Variants in EVI5 observed in about 807,000 individuals in gnomAD.
EVI5 encodes the protein ecotropic viral integration site 5 protein homolog.
Under a neutral mutation model 112.0 loss-of-function variants are expected in EVI5, and 73 were observed. That is an observed-to-expected ratio of 0.65 (90% CI 0.54 to 0.79). The LOEUF (loss-of-function observed/expected upper bound fraction) is 0.79. Ranked by LOEUF, EVI5 falls within the 30% of genes least tolerant of loss-of-function variation. The pLI, the probability that EVI5 is intolerant of heterozygous loss-of-function variation, is 0.00. For missense variants in EVI5, 900 were observed against 968.8 expected, an observed-to-expected ratio of 0.93 and a Z score of 0.94; for synonymous variants, 305 against 319.9, an observed-to-expected ratio of 0.95 and a Z score of 0.50.
chr1:92,788,818 A>C (rs527968526), upstream of EVI5, among the ~76,000 whole-genome samples: 1 of 152,260 alleles, frequency 6.6e-6, no homozygotes, highest in African/African-American at 2.4e-5. Flanking sequence ...CAACAAAAAA[A>C]ACCCCATAAA....
intron 1 of EVI5, among the ~76,000 whole-genome samples, chr1:92,745,833 A>G (rs962211117): frequency 6.6e-6 from 1 of 152,190 alleles, no homozygotes; most frequent in African/African-American, 2.4e-5. Flanking sequence ...ATTATTTCAT[A>G]TATATTCCTG....
At chr1:92,674,161 T>C (rs947447007) in intron 10 of EVI5, among the ~76,000 whole-genome samples, 1 of 152,092 alleles carries the variant, frequency 6.6e-6, no homozygotes, top group African/African-American at 2.4e-5. Flanking sequence ...CATTTCCCAT[T>C]TTACAGCAAG....
At chr1:92,763,848 T>C (rs1186641743) in intron 1 of EVI5, among the ~76,000 whole-genome samples, 1 of 151,914 alleles carries the variant, frequency 6.6e-6, no homozygotes, top group East Asian at 1.9e-4. Flanking sequence ...TCATAAACTA[T>C]AAGCAACAGT....
At chr1:92,776,625 A>G (rs536773353) in intron 1 of EVI5, among the ~76,000 whole-genome samples, 151 of 149,684 alleles carry the variant, frequency 1.0e-3, no homozygotes, top group African/African-American at 3.5e-3. Flanking sequence ...AAATGATAAC[A>G]CCATCATGAC....
At chr1:92,678,385 G>T (rs538707762) in intron 9 of EVI5, among the ~76,000 whole-genome samples, 1 of 152,088 alleles carries the variant, frequency 6.6e-6, no homozygotes, top group South Asian at 2.1e-4. Context: ...ACAAAAATTA[G>T]CCAGGTGCGG....
chr1:92,635,735 GC>G (rs1463210926), intron 14 of EVI5, among the ~76,000 whole-genome samples: 2 of 152,132 alleles, frequency 1.3e-5, no homozygotes, highest in African/African-American at 4.8e-5. Flanking sequence ...TTCGTCTTCT[GC>G]GTCGCTCACA....
intron 18 of EVI5, among the ~76,000 whole-genome samples, chr1:92,581,653 T>C (rs2101091699): frequency 6.6e-6 from 1 of 151,686 alleles, no homozygotes; most frequent in Non-Finnish European, 1.5e-5. Flanking sequence ...CATTAGGTTA[T>C]GTTCCTTTTC....
intron 18 of EVI5, among the ~76,000 whole-genome samples, chr1:92,590,418 A>C (rs1488789166): frequency 6.6e-6 from 1 of 152,238 alleles, no homozygotes; most frequent in East Asian, 1.9e-4. Flanking sequence ...AGAAGTGCTT[A>C]AAGGAGCTGA....
intron 18 of EVI5, chr1:92,580,864 G>A (rs1671826979): frequency 6.6e-6 from 1 of 152,266 alleles, no homozygotes; most frequent in African/African-American, 2.4e-5. Context: ...TTGTTCAAAG[G>A]GCTATCTTAT....
At chr1:92,777,553 T>C (rs1684313392) in intron 1 of EVI5, among the ~76,000 whole-genome samples, 1 of 152,214 alleles carries the variant, frequency 6.6e-6, no homozygotes, top group South Asian at 2.1e-4. Context: ...AATGATATCT[T>C]GACCAATATT....
chr1:92,579,562 G>T (rs2101069531), intron 18 of EVI5, among the ~76,000 whole-genome samples: 1 of 152,086 alleles, frequency 6.6e-6, no homozygotes, highest in South Asian at 2.1e-4. Flanking sequence ...GTGATGGTTT[G>T]GTTTTACTGT....
At chr1:92,612,013 AAAT>A (rs1651946950) in intron 16 of EVI5, among the ~76,000 whole-genome samples, 1 of 152,170 alleles carries the variant, frequency 6.6e-6, no homozygotes, top group South Asian at 2.1e-4. Context: ...TGACTCCATA[AAAT>A]AATAATATCT....
intron 16 of EVI5, among the ~76,000 whole-genome samples, chr1:92,612,680 A>G (rs1236450135): frequency 7.6e-6 from 1 of 130,746 alleles, no homozygotes; most frequent in African/African-American, 2.9e-5. Context: ...ACTGCACTCC[A>G]GCCTGGGTGA....
intron 18 of EVI5, among the ~76,000 whole-genome samples, chr1:92,568,964 T>G (rs1669910498): frequency 6.6e-6 from 1 of 152,210 alleles, no homozygotes; most frequent in African/African-American, 2.4e-5. Context: ...AGTCAAAAGT[T>G]ATACATAGAT....
intron 2 of EVI5, among the ~76,000 whole-genome samples, chr1:92,717,187 A>G (rs1673869139): frequency 6.6e-6 from 1 of 152,162 alleles, no homozygotes; most frequent in South Asian, 2.1e-4. Context: ...GATATCAGTG[A>G]CTGAAGTTCA....
chr1:92,682,981 A>G (rs1667868141), intron 9 of EVI5, among the ~76,000 whole-genome samples: 1 of 152,220 alleles, frequency 6.6e-6, no homozygotes, highest in Non-Finnish European at 1.5e-5. Context: ...TATGTACTTT[A>G]AAATTTTTCC....
intron 1 of EVI5, among the ~76,000 whole-genome samples, chr1:92,739,099 C>T (rs902131136): frequency 1.3e-5 from 2 of 151,764 alleles, no homozygotes; most frequent in African/African-American, 2.4e-5. Context: ...ATGACAAAAC[C>T]CCGTGTCTAC....
intron 1 of EVI5, among the ~76,000 whole-genome samples, chr1:92,766,490 T>C (rs1254351839): frequency 6.6e-6 from 1 of 152,188 alleles, no homozygotes; most frequent in African/African-American, 2.4e-5. Context: ...TCGAGCACTA[T>C]GTTAAGTATG....
At chr1:92,720,327 G>T (rs979484471) in intron 2 of EVI5, among the ~76,000 whole-genome samples, 14 of 151,916 alleles carry the variant, frequency 9.2e-5, no homozygotes, top group Admixed American at 4.6e-4. Context: ...TCAAAACAGA[G>T]ATATAGACCA....
Sources: allele counts gnomAD v4.1 joint callset (sites outside exome capture counted in the v4.1 genomes callset), GRCh38; gene constraint gnomAD v4.1.1; transcripts MANE v1.5; gene names NCBI Gene and HGNC (gene_info 2026-07-23, HGNC 2026-07-21).